THSD4: variants seen among roughly 807,000 people sequenced by gnomAD.
The protein encoded by THSD4 is thrombospondin type-1 domain-containing protein 4.
THSD4 carries 69 observed loss-of-function variants against 119.0 expected under a neutral mutation model. The ratio of observed to expected loss-of-function variants is 0.58; its 90% CI spans 0.48 to 0.71. The LOEUF is 0.71. THSD4 is among the 30% of genes least tolerant of loss of function. The probability of loss-of-function intolerance (pLI) is 0.00; values close to 1 mark genes in which losing one functional copy is unlikely to be tolerated. For missense variants in THSD4, 1,393 were observed against 1,391.1 expected, an observed-to-expected ratio of 1.00 and a Z score of -0.02; for synonymous variants, 524 against 540.4, an observed-to-expected ratio of 0.97 and a Z score of 0.42.
At chr15:71,695,106 C>T (rs2052136604) in intron 8 of THSD4, among the ~76,000 whole-genome samples, 1 of 152,230 alleles carries the variant, frequency 6.6e-6, no homozygotes, top group African/African-American at 2.4e-5. Context: ...AGGGGAAGAA[C>T]TAGAACTCTG....
chr15:71,223,237 CAAG>C (rs924946948), intron 4 of THSD4, among the ~76,000 whole-genome samples: 4 of 152,320 alleles, frequency 2.6e-5, no homozygotes, highest in Admixed American at 2.0e-4. Flanking sequence ...AGAAGGCAAG[CAAG>C]AGAGCACAAG....
At chr15:71,380,769 C>A (rs1381716384) in intron 6 of THSD4, among the ~76,000 whole-genome samples, 1 of 152,158 alleles carries the variant, frequency 6.6e-6, no homozygotes, top group Non-Finnish European at 1.5e-5. Context: ...AATCTGGAGA[C>A]ACAGTAGAAG....
upstream of THSD4, chr15:71,112,061 C>G: frequency 3.8e-6 from 6 of 1,596,346 alleles, no homozygotes; most frequent in Non-Finnish European, 5.1e-6. Flanking sequence ...ACACGTTGCT[C>G]TTATTCCAGT....
intron 7 of THSD4, among the ~76,000 whole-genome samples, chr15:71,485,420 T>C (rs1425486077): frequency 6.6e-6 from 1 of 152,308 alleles, no homozygotes; most frequent in African/African-American, 2.4e-5. Context: ...AGAATTACAG[T>C]TCACCATCAT....
intron 6 of THSD4, among the ~76,000 whole-genome samples, chr15:71,379,447 C>CTTT (rs1356266423): frequency 9.5e-4 from 107 of 112,770 alleles, no homozygotes; most frequent in Middle Eastern, 5.0e-3. Context: ...AAGCAAATGG[C>CTTT]TTCTTTTTTT....
intron 3 of THSD4, among the ~76,000 whole-genome samples, chr15:71,194,299 A>G (rs1308179084): frequency 1.3e-5 from 2 of 152,160 alleles, no homozygotes; most frequent in Non-Finnish European, 2.9e-5. Flanking sequence ...AGATGCCTCC[A>G]TCTGTTTTCA....
chr15:71,349,631 G>A (rs1220478617), intron 6 of THSD4, among the ~76,000 whole-genome samples: 4 of 152,172 alleles, frequency 2.6e-5, no homozygotes, highest in Non-Finnish European at 1.5e-5. Flanking sequence ...TCACTGGATG[G>A]CACTCTCACA....
chr15:71,291,352 C>A (rs149539117), intron 6 of THSD4, among the ~76,000 whole-genome samples: 110 of 152,214 alleles, frequency 7.2e-4, no homozygotes, highest in African/African-American at 2.6e-3. Flanking sequence ...AACAGGCTCA[C>A]ATAGTTAGGG....
At chr15:71,097,895 A>G (rs147532715) in intron 1 of THSD4, among the ~76,000 whole-genome samples, 1,752 of 152,036 alleles carry the variant, frequency 0.012, 36 homozygotes, top group African/African-American at 0.039. Context: ...ATTTTCCCCC[A>G]ATTATCTAGG....
chr15:71,114,012 C>T (rs1386648279), upstream of THSD4, among the ~76,000 whole-genome samples: 1 of 152,024 alleles, frequency 6.6e-6, no homozygotes, highest in Admixed American at 6.6e-5. Context: ...CCATGAGACT[C>T]GTGACACTCA....
At chr15:71,774,739 G>A (rs1435470311) in intron 17 of THSD4, among the ~76,000 whole-genome samples, 5 of 151,346 alleles carry the variant, frequency 3.3e-5, no homozygotes, top group South Asian at 2.1e-4. Flanking sequence ...GAACAGTCAC[G>A]GCACCTCAGC....
intron 6 of THSD4, among the ~76,000 whole-genome samples, chr15:71,258,617 C>T (rs1475260285): frequency 2.6e-5 from 4 of 152,170 alleles, no homozygotes; most frequent in African/African-American, 9.7e-5. Context: ...GCATTGTACT[C>T]CCAATTAGCT....
intron 7 of THSD4, among the ~76,000 whole-genome samples, chr15:71,563,317 G>A (rs2140884735): frequency 6.6e-6 from 1 of 152,246 alleles, no homozygotes; most frequent in East Asian, 1.9e-4. Flanking sequence ...GGAAATCTCG[G>A]ATAGTAAAGA....
chr15:71,379,180 G>T (rs1237988755), intron 6 of THSD4, among the ~76,000 whole-genome samples: 1 of 150,618 alleles, frequency 6.6e-6, no homozygotes, highest in Non-Finnish European at 1.5e-5. Flanking sequence ...GGTGGGGAGG[G>T]TTTCTTTAGC....
At position 71,779,680 on chromosome 15, in the gene THSD4, C is replaced by G. The variant is rs1390801987; in HGVS notation, c.*2306C>G. The G allele has an allele frequency of 6.6e-6, 1 of 152,168 alleles. No individual in the cohort carries two copies. The highest frequency in any genetic ancestry group is 1.5e-5 in the Non-Finnish European group (1 of 68,032). The allele number at this position is 152,168 out of a possible 1,614,324, so 9.4% of individuals were successfully genotyped here. A position where few individuals can be genotyped will look rare whatever the true frequency, so the allele number is the denominator to read the frequency against. ...GGCTGGGTCAGTGATGGCTTTGTCT[C>G]TTTATGTCTAAAGTGCCCTATGGCT... On this transcript the variant is annotated 3_prime_UTR_variant, in exon 18 of 18. Coordinates refer to ENST00000261862, the MANE Select transcript of THSD4 (RefSeq NM_024817.3).
intron 7 of THSD4, among the ~76,000 whole-genome samples, chr15:71,604,953 G>C (rs1459227749): frequency 6.6e-6 from 1 of 152,090 alleles, no homozygotes; most frequent in Non-Finnish European, 1.5e-5. Context: ...ATGGGGAGTG[G>C]GTTCTCAGTT....
intron 3 of THSD4, among the ~76,000 whole-genome samples, chr15:71,173,513 C>G (rs1435958134): frequency 6.7e-6 from 1 of 149,760 alleles, no homozygotes; most frequent in African/African-American, 2.5e-5. Context: ...TAAAGGTAGG[C>G]AAATAGATAA....
chr15:71,384,723 G>A (rs371753134), intron 6 of THSD4, among the ~76,000 whole-genome samples: 1 of 152,308 alleles, frequency 6.6e-6, no homozygotes, highest in African/African-American at 2.4e-5. Flanking sequence ...TTCTTAAAGT[G>A]CAGTGCCGTT....
At chr15:71,281,671 C>G (rs1307673260) in intron 6 of THSD4, among the ~76,000 whole-genome samples, 7 of 152,176 alleles carry the variant, frequency 4.6e-5, no homozygotes, top group Non-Finnish European at 8.8e-5. Context: ...ATGACTGTTT[C>G]TGGATATATG....
Sources: allele counts gnomAD v4.1 joint callset (sites outside exome capture counted in the v4.1 genomes callset), GRCh38; gene constraint gnomAD v4.1.1; transcripts MANE v1.5; gene names NCBI Gene and HGNC (gene_info 2026-07-23, HGNC 2026-07-21).